PRKAR1B: variants seen among roughly 807,000 people sequenced by gnomAD.
The protein encoded by PRKAR1B is protein kinase cAMP-dependent type I regulatory subunit beta.
Under a neutral mutation model 46.5 loss-of-function variants are expected in PRKAR1B, and 22 were observed. The observed-to-expected ratio is 0.47, with a 90% CI of 0.34 to 0.68. PRKAR1B has a LOEUF of 0.68. PRKAR1B is among the 30% of genes least tolerant of loss of function. The pLI is 0.01. For missense variants in PRKAR1B, 445 were observed against 535.6 expected, an observed-to-expected ratio of 0.83 and a Z score of 1.67; for synonymous variants, 259 against 217.7, an observed-to-expected ratio of 1.19 and a Z score of -1.67.
intron 4 of PRKAR1B, among the ~76,000 whole-genome samples, chr7:645,686 C>T (rs1784588035): frequency 6.6e-6 from 1 of 152,120 alleles, no homozygotes; most frequent in South Asian, 2.1e-4. Flanking sequence ...GAGACGAGTT[C>T]CAAGCCCTCC....
At chr7:716,044 T>A (rs558459535) in intron 1 of PRKAR1B, among the ~76,000 whole-genome samples, 39 of 144,550 alleles carry the variant, frequency 2.7e-4, no homozygotes, top group East Asian at 1.9e-3. Context: ...TTTTTTTTTT[T>A]AAATCTTTTT....
Position 612,183 on chromosome 7 carries a change from T to C in PRKAR1B, c.441-4731A>G, listed in dbSNP as rs530801469. 1.7e-4 allele frequency among the ~76,000 whole-genome samples: 16 copies of C among 93,742 alleles called. No individual in the cohort carries two copies. The East Asian group carries it at 4.3e-3, about 25-fold the overall frequency. The allele number at this position is 93,742 out of a possible 152,430, so 61.5% of individuals were successfully genotyped here. On this transcript the variant is annotated intron_variant, in intron 4 of 10. Coordinates refer to ENST00000537384, the MANE Select transcript of PRKAR1B (RefSeq NM_001164760.2). ...GGATGGATGGACAGGTGGGTGGATGTACAGGTGGGTGAGTAGATCAACGGA... is the reference window on the plus strand; with the variant it reads ...GGATGGATGGACAGGTGGGTGGATGCACAGGTGGGTGAGTAGATCAACGGA...
At chr7:571,667 G>T (rs988015963) in intron 9 of PRKAR1B, among the ~76,000 whole-genome samples, 3 of 152,216 alleles carry the variant, frequency 2.0e-5, no homozygotes, top group African/African-American at 7.2e-5. Context: ...CGGCTCCCGG[G>T]GTCCAGCTGC....
chr7:585,497 C>T (rs920875414), intron 7 of PRKAR1B, among the ~76,000 whole-genome samples: 23 of 152,270 alleles, frequency 1.5e-4, no homozygotes, highest in South Asian at 1.0e-3. Flanking sequence ...ACAGAGGCCA[C>T]GCGTTCGAGT....
At chr7:583,344 C>G (rs966674207) in intron 8 of PRKAR1B, among the ~76,000 whole-genome samples, 2 of 151,936 alleles carry the variant, frequency 1.3e-5, no homozygotes, top group African/African-American at 4.8e-5. Flanking sequence ...CATACACACA[C>G]GTGCACACAC....
chr7:615,825 CAAAAAAAA>C (rs71016887), intron 4 of PRKAR1B, among the ~76,000 whole-genome samples: 2 of 94,450 alleles, frequency 2.1e-5, no homozygotes, highest in African/African-American at 9.7e-5. Flanking sequence ...AAGACTCCAT[CAAAAAAAA>C]AAAAAAAAAG....
At position 727,236 on chromosome 7, in the gene PRKAR1B, C is replaced by G. The variant is rs1338399884; in HGVS notation, c.-49G>C. 2.4e-5 allele frequency: 33 copies of G among 1,358,500 alleles called. No individual in the cohort carries two copies. The highest frequency in any genetic ancestry group is 3.4e-5 in the Admixed American group (1 of 29,530). The allele number at this position is 1,358,500 out of a possible 1,614,324, so 84.2% of individuals were successfully genotyped here. The stretch of plus-strand genomic sequence containing the variant: ...TGGACGACGCTCTGCGCGCGCTGCG[C>G]TGCTCCCTGCTCGACCCCTTCGCCG... On this transcript the variant is annotated 5_prime_UTR_variant, in exon 1 of 11. Coordinates refer to ENST00000537384, the MANE Select transcript of PRKAR1B (RefSeq NM_001164760.2).
At chr7:635,432 GGAGTGGACGGCAAC>G (rs1783990625) in intron 4 of PRKAR1B, among the ~76,000 whole-genome samples, 1 of 152,108 alleles carries the variant, frequency 6.6e-6, no homozygotes, top group Non-Finnish European at 1.5e-5. Context: ...CAGAAGGATC[GGAGTGGACGGCAAC>G]CTGCCTGCAC....
At chr7:554,399 C>G (rs1199523109) in intron 9 of PRKAR1B, among the ~76,000 whole-genome samples, 1 of 152,226 alleles carries the variant, frequency 6.6e-6, no homozygotes, top group Non-Finnish European at 1.5e-5. Flanking sequence ...ATTTTTAACA[C>G]TTTCTGTTTC....
chr7:620,036 T>TC (rs1554294058), intron 4 of PRKAR1B, among the ~76,000 whole-genome samples: 15 of 148,428 alleles, frequency 1.0e-4, no homozygotes, highest in African/African-American at 3.2e-4. Flanking sequence ...TTTTTTTTTT[T>TC]AGAGATGGGG....
intron 4 of PRKAR1B, among the ~76,000 whole-genome samples, chr7:659,439 A>G (rs557592949): frequency 1.3e-5 from 2 of 152,264 alleles, no homozygotes; most frequent in South Asian, 4.1e-4. Flanking sequence ...CACCGAAGTG[A>G]CCACGAAAGG....
chr7:558,615 G>T (rs1583198988), intron 9 of PRKAR1B, among the ~76,000 whole-genome samples: 1 of 151,888 alleles, frequency 6.6e-6, no homozygotes, highest in African/African-American at 2.4e-5. Context: ...AATTAGCCAG[G>T]CGTGGTGCGC....
intron 4 of PRKAR1B, among the ~76,000 whole-genome samples, chr7:622,562 T>C (rs1451316465): frequency 1.3e-5 from 2 of 152,174 alleles, no homozygotes; most frequent in Non-Finnish European, 2.9e-5. Context: ...TTCAACTCTC[T>C]ATTTTGAAAA....
At chr7:614,511 T>A (rs1361482791) in intron 4 of PRKAR1B, among the ~76,000 whole-genome samples, 2 of 152,148 alleles carry the variant, frequency 1.3e-5, no homozygotes, top group African/African-American at 4.8e-5. Flanking sequence ...TCCCAGCACT[T>A]TGGGAGACCG....
At position 550,097 on chromosome 7, in the gene PRKAR1B, C is replaced by T; in HGVS notation, c.*333G>A. ...CGTCCTGGCCTGGTTCTGGGGAGGA[C>T]CGATCCTCAAGCATCTCCAGGAGAC... On this transcript the variant is annotated 3_prime_UTR_variant, in exon 11 of 11. Coordinates refer to ENST00000537384, the MANE Select transcript of PRKAR1B (RefSeq NM_001164760.2). The T allele has an allele frequency of 9.1e-6, 3 of 330,900 alleles. No individual in the cohort carries two copies. Among genetic ancestry groups the T allele is most frequent in the Admixed American group, 4.6e-5 (1 of 21,728 alleles). 20.5% of individuals were successfully genotyped at this position (330,900 alleles called of 1,614,324 possible).
intron 9 of PRKAR1B, among the ~76,000 whole-genome samples, chr7:572,917 G>A (rs1041825279): frequency 6.6e-6 from 1 of 152,244 alleles, no homozygotes. Context: ...CGGCCCCAGG[G>A]AGAGCGAGGG....
chr7:689,343 G>A (rs1478412720), intron 2 of PRKAR1B, among the ~76,000 whole-genome samples: 5 of 151,854 alleles, frequency 3.3e-5, no homozygotes, highest in East Asian at 1.9e-4. Flanking sequence ...GGATGGTCTC[G>A]ATCTCCTGAC....
chr7:580,012 C>G (rs1021751612), intron 8 of PRKAR1B, among the ~76,000 whole-genome samples: 1 of 152,048 alleles, frequency 6.6e-6, no homozygotes, highest in East Asian at 1.9e-4. Context: ...GCGGGAGGAT[C>G]GCTTGAGGCC....
chr7:584,260 G>A (rs968142466), intron 8 of PRKAR1B, among the ~76,000 whole-genome samples: 2 of 152,246 alleles, frequency 1.3e-5, no homozygotes, highest in Non-Finnish European at 2.9e-5. Flanking sequence ...GGATGGCAGA[G>A]ACGTTGAGAA....
Sources: gnomAD v4.1 joint callset for allele counts (sites outside exome capture counted in the v4.1 genomes callset) on GRCh38, gnomAD v4.1.1 for gene constraint, MANE v1.5 for transcripts, NCBI Gene and HGNC (gene_info 2026-07-23, HGNC 2026-07-21) for gene names.